Variants in CYP2A7 observed in about 807,000 individuals in gnomAD.
CYP2A7 encodes cytochrome P450 family 2 subfamily A member 7, also known as cytochrome P450 2A7.
Under a neutral mutation model 42.0 loss-of-function variants are expected in CYP2A7, and 36 were observed. The observed-to-expected ratio is 0.86, with a 90% CI of 0.66 to 1.13. CYP2A7 has a LOEUF of 1.13. CYP2A7 is among the 50% of genes most tolerant of loss of function. The pLI, the probability that CYP2A7 is intolerant of heterozygous loss-of-function variation, is 0.00. For missense variants in CYP2A7, 661 were observed against 634.1 expected, an observed-to-expected ratio of 1.04 and a Z score of -0.46; for synonymous variants, 260 against 249.5, an observed-to-expected ratio of 1.04 and a Z score of -0.40.
chr19:40,880,237 A>T lies in CYP2A7; in HGVS notation c.501T>A (p.Asn167Lys), dbSNP rs140130469. Residue 167 changes from asparagine (N) to lysine (K), a missense_variant, in exon 4 of 9, where the codon AAT (asparagine) becomes AAA (lysine). Physicochemically the swap from Asn to Lys is moderately conservative, Grantham distance 94. Coordinates refer to ENST00000301146, the MANE Select transcript of CYP2A7 (RefSeq NM_000764.3). ...IEAIRSTHGA[N>K]IDPTFFLSRT... ...GGCTCAGGAAGAAGGTGGGATCGAT[A>T]TTGGCGCCTGCGGGTGTGGAGGGAG... The T allele has an allele frequency of 2.3e-4, 368 of 1,612,592 alleles. 6 individuals carry two copies. In the African/African-American group the frequency reaches 4.3e-3, roughly 19 times the overall value.
At chr19:40,876,252 G>A in intron 8 of CYP2A7, 2 of 603,148 alleles carry the variant, frequency 3.3e-6, no homozygotes, top group South Asian at 2.0e-5. Context: ...AAATATGACT[G>A]CTGTGCCGTC....
chr19:40,879,547 G>A (rs557881182), intron 4 of CYP2A7, among the ~76,000 whole-genome samples: 11 of 151,856 alleles, frequency 7.2e-5, no homozygotes, highest in South Asian at 2.1e-4. Flanking sequence ...GGAACAATCT[G>A]TCTAGATATT....
At chr19:40,880,304 A>G (rs3815704) in intron 3 of CYP2A7, 60 bp from the exon 4 acceptor site, 803,338 of 1,573,164 alleles carry the variant, frequency 0.51, 215,443 homozygotes, top group Admixed American at 0.66. Flanking sequence ...TCTGAGGAGA[A>G]TCAGAATTCC....
rs1017424791 is a variant in CYP2A7 at position 40,880,462 on chromosome 19, C to T, written c.493+17G>A. ...GTTTTCCTTCTCCTGCCCCCGCACT[C>T]GGGGAACCTTACTCACCGTGCGTGC... On this transcript the variant is annotated intron_variant, in intron 3 of 8. Coordinates refer to ENST00000301146, the MANE Select transcript of CYP2A7 (RefSeq NM_000764.3). The T allele has an allele frequency of 1.2e-6, 2 of 1,609,368 alleles. No homozygotes were observed. The highest frequency in any genetic ancestry group is 1.7e-6 in the Non-Finnish European group (2 of 1,176,528).
intron 7 of CYP2A7, 88 bp from the exon 8 acceptor site, chr19:40,876,756 C>G: frequency 2.0e-6 from 3 of 1,508,952 alleles, no homozygotes; most frequent in Non-Finnish European, 2.7e-6. Context: ...CTAGTGTGCC[C>G]CAGGTAAGGG....
intron 6 of CYP2A7, 72 bp downstream of exon 6, chr19:40,877,780 G>A (rs1967569759): frequency 3.2e-6 from 5 of 1,544,476 alleles, no homozygotes; most frequent in South Asian, 1.2e-5. Context: ...GGGACAGGTA[G>A]GGACATTGCA....
chr19:40,876,945 C>T (rs1967547469), intron 7 of CYP2A7: 4 of 649,740 alleles, frequency 6.2e-6, no homozygotes, highest in Admixed American at 6.0e-5. Flanking sequence ...AAGGGGGCTT[C>T]TGTTTCTTAA....
rs1568525321 is a variant in CYP2A7, at chr19:40,877,230, AC to A, written c.1120del (p.Val374LeufsTer26). On this transcript the variant is annotated frameshift_variant, in exon 7 of 9. Coordinates refer to ENST00000301146, the MANE Select transcript of CYP2A7 (RefSeq NM_000764.3). LOFTEE classifies it high-confidence loss of function. ...DVIPMSLARRVKKDTKFRDFF... is the reference protein window; with the variant it reads ...DVIPMSLARRXKKDTKFRDFF... ...ATCCCGAAACTTGGTGTCCTTTTTA[AC>A]CCTGCGGGCCAAACTCATGGGGATC... is the stretch of plus-strand genomic sequence containing the variant. The A allele has an allele frequency of 6.2e-7, 1 of 1,612,480 alleles. No homozygotes were observed. Among genetic ancestry groups the A allele is most frequent in the Non-Finnish European group, 8.5e-7 (1 of 1,179,090 alleles).
chr19:40,881,610 C>A lies in CYP2A7; in HGVS notation c.322G>T (p.Asp108Tyr). The A allele has an allele frequency of 6.2e-7, 1 of 1,612,176 alleles. No homozygotes were observed. Among genetic ancestry groups the A allele is most frequent in the Non-Finnish European group, 8.5e-7 (1 of 1,179,618 alleles). ...FSGRGEQATF[D>Y]WVFKGYGVAF... is the part of the protein sequence containing the mutation. The stretch of plus-strand genomic sequence containing the variant: ...TCACCATAGCCTTTGAAGACCCAGT[C>A]GAAGGTGGCTTGCTCGCCTCGCCCG... The change falls in exon 2 of 9, where the codon GAC (aspartate) becomes TAC (tyrosine). Residue 108 changes from aspartate (D) to tyrosine (Y), a missense_variant. This residue lies in a region of CYP2A7 where 614 missense variants were observed against 552.4 expected (regional missense o/e 1.11). Transcript: ENST00000301146.
At position 40,880,606 on chromosome 19, in the gene CYP2A7, C is replaced by G. The variant is rs543437097; in HGVS notation, c.366G>C (p.Glu122Asp). 2.5e-6 allele frequency: 4 copies of G among 1,575,606 alleles called. No individual in the cohort carries two copies. The highest frequency in any genetic ancestry group is 2.3e-5 in the East Asian group (1 of 44,354). The part of the protein sequence containing the change: ...KGYGVAFSNG[E>D]RAKQLLRFAI... Reference sequence around the variant, plus strand: ...CAAAGCGCAGGAGCTGCTTGGCGCGCTCCCCGTTGCTGAACGCCACGCCTG... The same window carrying G: ...CAAAGCGCAGGAGCTGCTTGGCGCGGTCCCCGTTGCTGAACGCCACGCCTG... The change falls in exon 3 of 9, where the codon GAG becomes GAC. Residue 122 changes from glutamate to aspartate, a missense_variant. Glu to Asp is a conservative substitution (Grantham distance 45, BLOSUM62 2). Around this residue, in one of 3 missense-constraint regions of CYP2A7, gnomAD observed 614 missense variants for 552.4 expected, o/e 1.11. Coordinates refer to ENST00000301146, the MANE Select transcript of CYP2A7 (RefSeq NM_000764.3).
chr19:40,877,502 A>C (rs1967564141), intron 6 of CYP2A7, 125 bp from the exon 7 acceptor site: 1 of 1,402,348 alleles, frequency 7.1e-7, no homozygotes, highest in Admixed American at 2.4e-5. Flanking sequence ...AGCATTCATA[A>C]CAGAACAGAC....
In CYP2A7 at chr19:40,879,022, G is replaced by A. The variant is rs1967599997; in HGVS notation, c.655-86C>T. ...GGAATGGGATTTGTTTCATAGCAAGGAAGGAACTGAGTTAAAGGCATCTGT... is the reference window on the plus strand; with the variant it reads ...GGAATGGGATTTGTTTCATAGCAAGAAAGGAACTGAGTTAAAGGCATCTGT... On this transcript the variant is annotated intron_variant, in intron 4 of 8. Transcript: ENST00000301146. The A allele has an allele frequency of 3.3e-6, 5 of 1,506,906 alleles. No individual in the cohort carries two copies. The South Asian group carries it at 6.3e-5, about 19-fold the overall frequency. 93.3% of individuals were successfully genotyped at this position (1,506,906 alleles called of 1,614,324 possible).
Position 40,877,283 on chromosome 19 carries a change from G to T in CYP2A7, c.1068C>A (p.Ile356=), listed in dbSNP as rs1419643161. 6.2e-7 allele frequency: 1 copy of T among 1,612,834 alleles called. No homozygotes were observed. The highest frequency in any genetic ancestry group is 8.5e-7 in the Non-Finnish European group (1 of 1,179,210). ...CGTCTCCAAATCTTTGGATCTCGTG[G>T]ATCACTGCCTCCATGTAGGGCATCT... ...RTKMPYMEAV[I]HEIQRFGDVI... is the part of the protein sequence containing the mutation. Residue 356 remains isoleucine, a synonymous_variant, in exon 7 of 9, where the codon ATC becomes ATA. Transcript: ENST00000301146.
chr19:40,881,937 G>C (rs568444451), intron 1 of CYP2A7, 94 bp downstream of exon 1: 4 of 1,525,874 alleles, frequency 2.6e-6, no homozygotes, highest in East Asian at 2.3e-5. Context: ...CCTTTCCTAA[G>C]ACTCTGGTCC....
chr19:40,881,962 C>G, intron 1 of CYP2A7, 69 bp downstream of exon 1: 1 of 1,568,190 alleles, frequency 6.4e-7, no homozygotes. Context: ...TGGTCAATCC[C>G]CTGCCACAAA....
chr19:40,881,857 G>A (rs1172403243), intron 1 of CYP2A7, 106 bp from the exon 2 acceptor site: 2 of 1,535,270 alleles, frequency 1.3e-6, no homozygotes, highest in Admixed American at 2.0e-5. Flanking sequence ...GGTTCTCACA[G>A]TCAGGGAGCT....
intron 7 of CYP2A7, 42 bp downstream of exon 7, chr19:40,877,148 G>A: frequency 6.3e-7 from 1 of 1,599,690 alleles, no homozygotes; most frequent in Non-Finnish European, 8.6e-7. Context: ...CACAGAGAAG[G>A]GCTGGAAGTC....
chr19:40,880,008 G>A (rs1967616130), intron 4 of CYP2A7, 76 bp downstream of exon 4: 6 of 1,583,350 alleles, frequency 3.8e-6, no homozygotes, highest in Non-Finnish European at 5.2e-6. Context: ...TGGGAGTTTG[G>A]GGCACCTGTC....
chr19:40,879,608 A>G (rs1480701435), intron 4 of CYP2A7, among the ~76,000 whole-genome samples: 1 of 151,580 alleles, frequency 6.6e-6, no homozygotes, highest in Non-Finnish European at 1.5e-5. Flanking sequence ...TCAGGCATTT[A>G]AGTGGGTGAA....
Sources: allele counts gnomAD v4.1 joint callset (sites outside exome capture counted in the v4.1 genomes callset), GRCh38; gene constraint gnomAD v4.1.1; regional missense constraint gnomAD v4.1.1; transcripts MANE v1.5; gene names NCBI Gene and HGNC (gene_info 2026-07-23, HGNC 2026-07-21).